The following NCAM2 variants were observed in gnomAD, a reference collection of about 807,000 sequenced individuals.
NCAM2 encodes the protein neural cell adhesion molecule 2.
A neutral mutation model predicts 98.1 loss-of-function variants in NCAM2; 30 were observed. The observed-to-expected ratio is 0.31, with a 90% CI of 0.23 to 0.41. NCAM2 has a LOEUF of 0.41. Ranked by LOEUF, NCAM2 falls within the 10% of genes least tolerant of loss-of-function variation. The pLI is 1.00. For missense variants in NCAM2, 867 were observed against 1,005.8 expected (o/e 0.86, Z 1.87); for synonymous variants, 368 against 342.4 (o/e 1.07, Z -0.83).
intron 5 of NCAM2, among the ~76,000 whole-genome samples, chr21:21,304,201 A>G (rs2073812704): frequency 6.6e-6 from 1 of 151,870 alleles, no homozygotes; most frequent in South Asian, 2.1e-4. Context: ...TAATACTAAG[A>G]TTTTCCCCAA....
intron 1 of NCAM2, among the ~76,000 whole-genome samples, chr21:21,031,354 G>A (rs572524218): frequency 5.9e-5 from 9 of 152,262 alleles, no homozygotes; most frequent in Non-Finnish European, 1.2e-4. Flanking sequence ...AAGAGCCTTA[G>A]CAAATTCCTC....
Position 21,533,315 on chromosome 21 carries a change from G to T in NCAM2, c.2283-1222G>T, listed in dbSNP as rs987550654. ...CTTCCTCTAGTCCCTGGCAACTACA[G>T]ACTTTATTATTGTCATTATGCATTT... is the stretch of plus-strand genomic sequence containing the variant. On this transcript the variant is annotated intron_variant, in intron 16 of 17. Transcript: ENST00000400546. Among the ~76,000 whole-genome samples the T allele has an allele frequency of 4.0e-5, 6 of 151,548 alleles. No individual in the cohort carries two copies. The East Asian group carries it at 1.2e-3, about 29-fold the overall frequency.
At chr21:21,000,007 C>A (rs887488404) in intron 1 of NCAM2, among the ~76,000 whole-genome samples, 2 of 152,196 alleles carry the variant, frequency 1.3e-5, no homozygotes, top group African/African-American at 2.4e-5. Flanking sequence ...TGATAAGATT[C>A]TGCTCATTTT....
rs770535583 is a variant in NCAM2 at position 21,090,812 on chromosome 21, C to T, written c.55+92194C>T. Among the ~76,000 whole-genome samples, 7 of 152,260 alleles carry T rather than the reference C, an allele frequency of 4.6e-5. No homozygotes were observed. In the East Asian group the frequency reaches 5.8e-4, roughly 13 times the overall value. On this transcript the variant is annotated intron_variant, in intron 1 of 17. Transcript: ENST00000400546. ...TAGACAAACTCTGCCTCAGTATTCT[C>T]GCCTCAGATATGTGCCAGGCTTGCT... is the stretch of plus-strand genomic sequence containing the variant.
intron 1 of NCAM2, among the ~76,000 whole-genome samples, chr21:21,115,460 A>G (rs1017198299): frequency 1.3e-5 from 2 of 152,148 alleles, no homozygotes; most frequent in African/African-American, 2.4e-5. Context: ...CACTTAATTC[A>G]TCACCACTCT....
At chr21:21,364,437 A>G (rs921841987) in intron 8 of NCAM2, among the ~76,000 whole-genome samples, 2 of 152,056 alleles carry the variant, frequency 1.3e-5, no homozygotes, top group Non-Finnish European at 2.9e-5. Flanking sequence ...TCCATATTCA[A>G]AATAAAACAT....
chr21:21,493,316 A>G (rs1014477150), intron 15 of NCAM2, among the ~76,000 whole-genome samples: 2 of 151,904 alleles, frequency 1.3e-5, no homozygotes, highest in Admixed American at 6.6e-5. Context: ...GAGATAATCA[A>G]TCTAGGCATA....
chr21:21,030,334 T>C (rs1223238894), intron 1 of NCAM2, among the ~76,000 whole-genome samples: 1 of 152,226 alleles, frequency 6.6e-6, no homozygotes, highest in Non-Finnish European at 1.5e-5. Flanking sequence ...ACTACCACGA[T>C]ATTAATTTTC....
intron 1 of NCAM2, among the ~76,000 whole-genome samples, chr21:21,202,768 TAAAAC>T (rs1164287114): frequency 7.9e-5 from 12 of 152,154 alleles, no homozygotes; most frequent in Admixed American, 2.0e-4. Flanking sequence ...AGGTTGAACT[TAAAAC>T]AAATAAATTA....
chr21:21,405,077 G>C (rs2076712104), intron 9 of NCAM2, among the ~76,000 whole-genome samples: 1 of 151,750 alleles, frequency 6.6e-6, no homozygotes, highest in South Asian at 2.1e-4. Flanking sequence ...CACTATTGAG[G>C]AAAGTACAGT....
At chr21:21,034,253 A>G (rs755975678) in intron 1 of NCAM2, among the ~76,000 whole-genome samples, 1 of 152,164 alleles carries the variant, frequency 6.6e-6, no homozygotes, top group African/African-American at 2.4e-5. Flanking sequence ...TGGTGTAAGC[A>G]TACACCATAT....
intron 1 of NCAM2, among the ~76,000 whole-genome samples, chr21:21,106,036 A>G (rs768739515): frequency 2.6e-5 from 4 of 152,088 alleles, no homozygotes; most frequent in Non-Finnish European, 4.4e-5. Context: ...ATTTCATGGT[A>G]TGTGTACGTG....
chr21:21,453,954 T>C (rs1016159017), intron 12 of NCAM2, among the ~76,000 whole-genome samples: 1 of 152,080 alleles, frequency 6.6e-6, no homozygotes, highest in Non-Finnish European at 1.5e-5. Flanking sequence ...TGACAATAGT[T>C]CAGCGTCCTA....
chr21:21,225,383 C>T (rs1417369061), intron 1 of NCAM2, among the ~76,000 whole-genome samples: 3 of 151,946 alleles, frequency 2.0e-5, no homozygotes, highest in Non-Finnish European at 4.4e-5. Flanking sequence ...CCTGCACATC[C>T]TGCACATGTA....
At chr21:21,532,404 T>G (rs1336296973) in intron 16 of NCAM2, among the ~76,000 whole-genome samples, 1 of 152,084 alleles carries the variant, frequency 6.6e-6, no homozygotes, top group Non-Finnish European at 1.5e-5. Flanking sequence ...TAATAAAAAT[T>G]AAAATTAAAA....
intron 12 of NCAM2, among the ~76,000 whole-genome samples, chr21:21,454,012 G>A (rs1304218233): frequency 1.3e-5 from 2 of 151,994 alleles, no homozygotes; most frequent in African/African-American, 2.4e-5. Flanking sequence ...GGTAAGTTAT[G>A]ATTTACCATG....
chr21:21,466,459 A>G (rs553529787), intron 12 of NCAM2, 147 bp from the exon 13 acceptor site: 92 of 567,434 alleles, frequency 1.6e-4, no homozygotes, highest in Non-Finnish European at 2.4e-4. Context: ...TGACTTATCT[A>G]TTTTTTAGGT....
chr21:21,133,363 C>T (rs1302156347), intron 1 of NCAM2, among the ~76,000 whole-genome samples: 1 of 152,142 alleles, frequency 6.6e-6, no homozygotes, highest in African/African-American at 2.4e-5. Context: ...TTGACATGTT[C>T]TGTGGCAAAG....
At chr21:21,133,714 T>G (rs1327593053) in intron 1 of NCAM2, among the ~76,000 whole-genome samples, 1 of 152,198 alleles carries the variant, frequency 6.6e-6, no homozygotes, top group Non-Finnish European at 1.5e-5. Context: ...AGTATTTTCA[T>G]CATCAGTGCA....
Sources: gnomAD v4.1 joint callset for allele counts (sites outside exome capture counted in the v4.1 genomes callset) on GRCh38, gnomAD v4.1.1 for gene constraint, MANE v1.5 for transcripts, NCBI Gene and HGNC (gene_info 2026-07-23, HGNC 2026-07-21) for gene names.